MTPN: variants seen among roughly 807,000 people sequenced by gnomAD.
MTPN encodes granule cell differentiation protein.
Under a neutral mutation model 13.5 loss-of-function variants are expected in MTPN, and 2 were observed. That is an observed-to-expected ratio of 0.15 (90% CI 0.06 to 0.47). The LOEUF is 0.47. MTPN is among the 20% of genes least tolerant of loss of function. MTPN has a pLI of 0.97. For missense variants in MTPN, 79 were observed against 137.9 expected (o/e 0.57, Z 2.14); for synonymous variants, 46 against 51.7 (o/e 0.89, Z 0.48).
chr7:135,940,139 G>T (rs1799186801), intron 3 of MTPN, among the ~76,000 whole-genome samples: 1 of 152,118 alleles, frequency 6.6e-6, no homozygotes, highest in South Asian at 2.1e-4. Context: ...GCAACTGTTT[G>T]TAGTTCCATG....
intron 3 of MTPN, among the ~76,000 whole-genome samples, chr7:135,931,497 C>G (rs986455115): frequency 3.3e-5 from 5 of 152,226 alleles, no homozygotes; most frequent in Admixed American, 6.5e-5. Flanking sequence ...ATAAAAGTCT[C>G]TATTTCCTCA....
At position 135,950,614 on chromosome 7, in the gene MTPN, T is replaced by C. The variant is rs749639145; in HGVS notation, c.255A>G (p.Lys85=). 1 of 1,612,832 alleles carries C rather than the reference T, an allele frequency of 6.2e-7. No homozygotes were observed. Among genetic ancestry groups the C allele is most frequent in the Non-Finnish European group, 8.5e-7 (1 of 1,179,030 alleles). Residue 85 remains lysine, a synonymous_variant, in exon 3 of 4, where the codon AAA becomes AAG. Transcript: ENST00000393085. ...AVYEGHVSCV[K]LLLSKGADKT... ...TTGACCTCACCTTTGACAGAAGCAA[T>C]TTCACACAGGAAACATGACCCTCAT... is the stretch of plus-strand genomic sequence containing the variant.
At chr7:135,937,728 T>C (rs946608273) in intron 3 of MTPN, among the ~76,000 whole-genome samples, 2 of 152,084 alleles carry the variant, frequency 1.3e-5, no homozygotes, top group Admixed American at 6.5e-5. Context: ...CTGCCTCTCC[T>C]GTCCCTCCTT....
At chr7:135,950,384 A>G (rs1158696299) in intron 3 of MTPN, among the ~76,000 whole-genome samples, 1 of 152,190 alleles carries the variant, frequency 6.6e-6, no homozygotes, top group Non-Finnish European at 1.5e-5. Flanking sequence ...CTTGACAAAG[A>G]AGACTGCTGA....
At chr7:135,950,725 T>G (rs760770053) in intron 2 of MTPN, 43 bp from the exon 3 acceptor site, 1 of 1,450,832 alleles carries the variant, frequency 6.9e-7, no homozygotes, top group Non-Finnish European at 9.5e-7. Context: ...GTTTTTCATT[T>G]CTTCCTACTT....
rs1188703875 is a variant in MTPN, at chr7:135,927,499, T to C, written c.*2427A>G. 7.8e-7 allele frequency: 1 copy of C among 1,286,720 alleles called. No individual in the cohort carries two copies. The highest frequency in any genetic ancestry group is 2.5e-5 in the East Asian group (1 of 39,410). The allele number at this position is 1,286,720 out of a possible 1,614,324, so 79.7% of individuals were successfully genotyped here. On this transcript the variant is annotated 3_prime_UTR_variant, in exon 4 of 4. Transcript: ENST00000393085. Reference sequence around the variant, plus strand: ...TTTTTTCTGAGATGTTAAGTATTACTTCAGTGGAGAACAAAACTTACTTAA... The same window carrying C: ...TTTTTTCTGAGATGTTAAGTATTACCTCAGTGGAGAACAAAACTTACTTAA...
At chr7:135,945,761 A>T (rs1289820948) in intron 3 of MTPN, among the ~76,000 whole-genome samples, 1 of 152,214 alleles carries the variant, frequency 6.6e-6, no homozygotes, top group Non-Finnish European at 1.5e-5. Flanking sequence ...TAAAAAGCAT[A>T]GTATAGTAAA....
intron 1 of MTPN, among the ~76,000 whole-genome samples, chr7:135,955,615 T>A (rs770032445): frequency 3.3e-5 from 5 of 152,156 alleles, no homozygotes; most frequent in Non-Finnish European, 5.9e-5. Flanking sequence ...AAGACAAAGA[T>A]GTTATAAGAA....
chr7:135,939,071 T>C (rs969867751), intron 3 of MTPN, among the ~76,000 whole-genome samples: 1 of 151,954 alleles, frequency 6.6e-6, no homozygotes, highest in Non-Finnish European at 1.5e-5. Context: ...AAATGAGGTG[T>C]TACTCTGCCT....
chr7:135,973,054 G>A (rs970657262), intron 1 of MTPN, among the ~76,000 whole-genome samples: 3 of 150,548 alleles, frequency 2.0e-5, no homozygotes, highest in African/African-American at 7.3e-5. Context: ...ATACCAATGA[G>A]GAGCTGGCCC....
At chr7:135,951,421 G>A (rs1039950113) in intron 2 of MTPN, 96 bp downstream of exon 2, 8 of 607,600 alleles carry the variant, frequency 1.3e-5, no homozygotes, top group Non-Finnish European at 2.1e-5. Flanking sequence ...TTAGAATGAA[G>A]TTTCTACAAA....
At chr7:135,963,128 T>C (rs1214059791) in intron 1 of MTPN, among the ~76,000 whole-genome samples, 1 of 152,086 alleles carries the variant, frequency 6.6e-6, no homozygotes. Context: ...TACAAAATTC[T>C]ATATAGTTGA....
At chr7:135,938,029 T>G (rs756434963) in intron 3 of MTPN, among the ~76,000 whole-genome samples, 5 of 152,164 alleles carry the variant, frequency 3.3e-5, no homozygotes, top group Non-Finnish European at 5.9e-5. Context: ...AGTCAAAAAT[T>G]CTATGTGGAT....
intron 3 of MTPN, among the ~76,000 whole-genome samples, chr7:135,944,650 A>T (rs143095141): frequency 0.013 from 2,010 of 152,296 alleles, 22 homozygotes; most frequent in Non-Finnish European, 0.02. Context: ...CTGTCTCAAA[A>T]AAATAAATAA....
chr7:135,969,474 CA>C (rs948357828), intron 1 of MTPN, among the ~76,000 whole-genome samples: 229 of 125,734 alleles, frequency 1.8e-3, no homozygotes, highest in African/African-American at 3.5e-3. Flanking sequence ...ACTTAACGTG[CA>C]AAAAAAAAAA....
At chr7:135,948,300 AC>A (rs1244797657) in intron 3 of MTPN, among the ~76,000 whole-genome samples, 1 of 152,220 alleles carries the variant, frequency 6.6e-6, no homozygotes, top group Non-Finnish European at 1.5e-5. Context: ...ACTAAAATGT[AC>A]TATGCTGATT....
In MTPN at chr7:135,948,236, T is replaced by G. The variant is rs556348526; in HGVS notation, c.270+2363A>C. Among the ~76,000 whole-genome samples the G allele has an allele frequency of 3.3e-5, 5 of 152,280 alleles. No individual in the cohort carries two copies. In the East Asian group the frequency reaches 9.6e-4, roughly 29 times the overall value. On this transcript the variant is annotated intron_variant, in intron 3 of 3. Transcript: ENST00000393085. ...GCCTAACAAAACTACAGGGTATCCA[T>G]TAAAGAAGCTTATGCAATAATAAAA...
intron 1 of MTPN, 89 bp downstream of exon 1, chr7:135,976,940 C>T: frequency 1.3e-6 from 1 of 778,884 alleles, no homozygotes; most frequent in Admixed American, 1.9e-5. Context: ...CGCCCACCCC[C>T]ATCCCCGCAG....
intron 1 of MTPN, among the ~76,000 whole-genome samples, chr7:135,965,681 T>C (rs757167981): frequency 1.3e-5 from 2 of 152,102 alleles, no homozygotes; most frequent in Non-Finnish European, 2.9e-5. Flanking sequence ...CAAGTGGAAG[T>C]TGCTGTTATA....
Sources: allele counts gnomAD v4.1 joint callset (sites outside exome capture counted in the v4.1 genomes callset), GRCh38; gene constraint gnomAD v4.1.1; transcripts MANE v1.5; gene names NCBI Gene and HGNC (gene_info 2026-07-23, HGNC 2026-07-21).